Variants in CLSTN2 observed in about 807,000 individuals in gnomAD.
CLSTN2 encodes calsyntenin-2.
In CLSTN2, 48 loss-of-function variants were observed where a neutral mutation model predicts 101.2. The ratio of observed to expected loss-of-function variants is 0.47; its 90% CI spans 0.38 to 0.60. The LOEUF is 0.60. Among genes scored for constraint, CLSTN2 ranks in the 20% least tolerant of loss-of-function variants. The probability of loss-of-function intolerance (pLI) is 0.00; values close to 1 mark genes in which losing one functional copy is unlikely to be tolerated. For synonymous variants in CLSTN2, 481 were observed against 463.6 expected (o/e 1.04, Z -0.48); for missense variants, 1,160 against 1,238.2 (o/e 0.94, Z 0.95).
At chr3:140,390,390 T>C (rs541955373) in intron 2 of CLSTN2, among the ~76,000 whole-genome samples, 110 of 152,342 alleles carry the variant, frequency 7.2e-4, no homozygotes, top group Non-Finnish European at 1.3e-3. Context: ...GTGTACTGTT[T>C]AATTTACAAA....
intron 2 of CLSTN2, among the ~76,000 whole-genome samples, chr3:140,229,089 A>G (rs541298702): frequency 3.9e-4 from 60 of 152,296 alleles, no homozygotes; most frequent in Non-Finnish European, 6.6e-4. Context: ...GAGCCCCACC[A>G]TAGAACTAGG....
chr3:140,400,269 G>A (rs990941777), intron 2 of CLSTN2, among the ~76,000 whole-genome samples: 1 of 152,138 alleles, frequency 6.6e-6, no homozygotes, highest in Non-Finnish European at 1.5e-5. Context: ...TGGGTCCATG[G>A]GAATTCTGAA....
At chr3:140,391,512 GT>G (rs2088113891) in intron 2 of CLSTN2, among the ~76,000 whole-genome samples, 1 of 152,090 alleles carries the variant, frequency 6.6e-6, no homozygotes, top group Non-Finnish European at 1.5e-5. Context: ...ATTTAAACAT[GT>G]GCAGTACATG....
intron 2 of CLSTN2, among the ~76,000 whole-genome samples, chr3:140,307,853 C>A (rs886974061): frequency 1.3e-5 from 2 of 152,156 alleles, no homozygotes; most frequent in African/African-American, 4.8e-5. Context: ...TAGAGCAATG[C>A]CAAACCAATT....
chr3:140,149,256 T>A (rs773623465), intron 1 of CLSTN2, among the ~76,000 whole-genome samples: 2 of 152,110 alleles, frequency 1.3e-5, no homozygotes, highest in Non-Finnish European at 2.9e-5. Context: ...GGTGTCAGCA[T>A]GGTAAGCAGA....
chr3:140,110,732 C>T (rs1289276816), intron 1 of CLSTN2, among the ~76,000 whole-genome samples: 1 of 152,176 alleles, frequency 6.6e-6, no homozygotes. Flanking sequence ...GCTTTTCTAA[C>T]TCAGCCCTGG....
At chr3:140,409,075 G>A (rs1444239252) in intron 4 of CLSTN2, among the ~76,000 whole-genome samples, 2 of 152,206 alleles carry the variant, frequency 1.3e-5, no homozygotes, top group Non-Finnish European at 2.9e-5. Flanking sequence ...TATGTAGCTG[G>A]TCTAACTCCT....
At chr3:140,228,372 TCTGAGACCACCTCAGC>T (rs1403852972) in intron 2 of CLSTN2, among the ~76,000 whole-genome samples, 6 of 152,192 alleles carry the variant, frequency 3.9e-5, no homozygotes, top group Admixed American at 3.9e-4. Context: ...CTCATCTCCA[TCTGAGACCACCTCAGC>T]CTGGACTTTA....
intron 1 of CLSTN2, among the ~76,000 whole-genome samples, chr3:140,059,575 T>G (rs2008160375): frequency 6.6e-6 from 1 of 152,030 alleles, no homozygotes; most frequent in Admixed American, 6.6e-5. Context: ...CACTCAACCA[T>G]CAGCTTGCTC....
intron 2 of CLSTN2, among the ~76,000 whole-genome samples, chr3:140,271,611 G>A (rs578235587): frequency 6.6e-6 from 1 of 152,204 alleles, no homozygotes; most frequent in East Asian, 1.9e-4. Context: ...TCTTTCATAA[G>A]GGCACTAATC....
At chr3:140,260,426 A>G (rs912312617) in intron 2 of CLSTN2, among the ~76,000 whole-genome samples, 1 of 151,740 alleles carries the variant, frequency 6.6e-6, no homozygotes, top group Non-Finnish European at 1.5e-5. Context: ...TAACAGCCCA[A>G]CTGCTCCTAA....
At chr3:140,249,388 T>G (rs1283690624) in intron 2 of CLSTN2, among the ~76,000 whole-genome samples, 2 of 152,170 alleles carry the variant, frequency 1.3e-5, no homozygotes, top group Non-Finnish European at 2.9e-5. Flanking sequence ...ACCAGCACTC[T>G]GCAGAGGGCT....
At chr3:140,148,372 GTTCT>G (rs1396666836) in intron 1 of CLSTN2, among the ~76,000 whole-genome samples, 2 of 152,188 alleles carry the variant, frequency 1.3e-5, no homozygotes, top group Non-Finnish European at 2.9e-5. Flanking sequence ...TGTTAAAGCA[GTTCT>G]TTATGTTCAA....
At position 140,490,112 on chromosome 3, in the gene CLSTN2, A is replaced by G. The variant is rs866062193; in HGVS notation, c.1344+23381A>G. Among the ~76,000 whole-genome samples, 16 of 13,954 alleles carry G rather than the reference A, an allele frequency of 1.1e-3. 6 individuals carry two copies. Among genetic ancestry groups the G allele is most frequent in the Middle Eastern group, 0.029 (1 of 34 alleles). The allele number at this position is 13,954 out of a possible 152,430, so 9.2% of individuals were successfully genotyped here. On this transcript the variant is annotated intron_variant, in intron 8 of 16. Transcript: ENST00000458420. Reference sequence around the variant, plus strand: ...TGTATATATATATATATATATATATATATATACACACACACACACACACAC... The same window carrying G: ...TGTATATATATATATATATATATATGTATATACACACACACACACACACAC...
At chr3:140,462,039 G>GA (rs1264676180) in intron 7 of CLSTN2, among the ~76,000 whole-genome samples, 1 of 151,794 alleles carries the variant, frequency 6.6e-6, no homozygotes, top group Non-Finnish European at 1.5e-5. Flanking sequence ...GTGGAAACAT[G>GA]AAAAACACAG....
At chr3:140,272,979 G>C (rs972717815) in intron 2 of CLSTN2, among the ~76,000 whole-genome samples, 3 of 152,058 alleles carry the variant, frequency 2.0e-5, no homozygotes, top group Non-Finnish European at 2.9e-5. Context: ...TGTCCTCTTT[G>C]CCGCTGTCAC....
At chr3:140,477,533 T>C (rs1011398348) in intron 8 of CLSTN2, among the ~76,000 whole-genome samples, 6 of 152,212 alleles carry the variant, frequency 3.9e-5, no homozygotes, top group African/African-American at 1.2e-4. Context: ...AGTGTTCCAA[T>C]CCCTAAACTC....
rs373420485 is a variant in CLSTN2 at position 140,167,966 on chromosome 3, A to C, written c.110-7985A>C. ...TTTATCCATTCACTAGTTGACGGCC[A>C]TTTTAGTTACCAGTTTGGCACTAAG... On this transcript the variant is annotated intron_variant, in intron 1 of 16. Transcript: ENST00000458420. 2.0e-5 allele frequency among the ~76,000 whole-genome samples: 3 copies of C among 152,184 alleles called. No homozygotes were observed. The East Asian group carries it at 5.8e-4, about 29-fold the overall frequency.
In CLSTN2 at chr3:140,120,106, C is replaced by T. The variant is rs1344137875; in HGVS notation, c.110-55845C>T. On this transcript the variant is annotated intron_variant, in intron 1 of 16. Coordinates refer to ENST00000458420, the MANE Select transcript of CLSTN2 (RefSeq NM_022131.3). The stretch of plus-strand genomic sequence containing the variant: ...GTCTTCCAATTCAATTTTGACACTA[C>T]CTGTAGATAGTATCAAATCCCATAG... Among the ~76,000 whole-genome samples, 14 of 152,128 alleles carry T rather than the reference C, an allele frequency of 9.2e-5. 1 individual carries two copies. The highest frequency in any genetic ancestry group is 8.5e-4 in the Admixed American group (13 of 15,268).
Sources: allele counts gnomAD v4.1 joint callset (sites outside exome capture counted in the v4.1 genomes callset), GRCh38; gene constraint gnomAD v4.1.1; transcripts MANE v1.5; gene names NCBI Gene and HGNC (gene_info 2026-07-23, HGNC 2026-07-21).